CBLN2: variants seen among roughly 807,000 people sequenced by gnomAD.
CBLN2 encodes the protein cerebellin-2.
A neutral mutation model predicts 15.0 loss-of-function variants in CBLN2; 7 were observed. That is an observed-to-expected ratio of 0.47 (90% CI 0.27 to 0.88). The LOEUF is 0.88. Among genes scored for constraint, CBLN2 ranks in the 40% least tolerant of loss-of-function variants. The probability of loss-of-function intolerance (pLI) is 0.14; values close to 1 mark genes in which losing one functional copy is unlikely to be tolerated. For synonymous variants in CBLN2, 149 were observed against 135.2 expected (o/e 1.10, Z -0.71); for missense variants, 242 against 304.5 (o/e 0.79, Z 1.53).
At chr18:72,637,812 G>A (rs2069824065) in intron 1 of CBLN2, among the ~76,000 whole-genome samples, 1 of 152,188 alleles carries the variant, frequency 6.6e-6, no homozygotes, top group African/African-American at 2.4e-5. Flanking sequence ...AGAAACCAAA[G>A]CCATAAATAA....
rs1169174398 is a variant in CBLN2, at chr18:72,537,944, CT to C, written c.*231del. The C allele has an allele frequency of 6.9e-6, 4 of 578,156 alleles. No individual in the cohort carries two copies. The highest frequency in any genetic ancestry group is 1.2e-5 in the Non-Finnish European group (4 of 324,384). 35.8% of individuals were successfully genotyped at this position (578,156 alleles called of 1,614,324 possible). ...GCTCAAATCGATAATTTCATTTCTC[CT>C]TAAGACCTTGTCATCTAAAACTAAT... On this transcript the variant is annotated 3_prime_UTR_variant, in exon 5 of 5. Transcript: ENST00000269503.
At chr18:72,604,564 C>T (rs1336831006) in intron 1 of CBLN2, among the ~76,000 whole-genome samples, 2 of 152,062 alleles carry the variant, frequency 1.3e-5, no homozygotes, top group African/African-American at 4.8e-5. Flanking sequence ...AATTTAATAC[C>T]CAATGTGGCA....
intron 1 of CBLN2, among the ~76,000 whole-genome samples, chr18:72,613,175 C>T (rs547930393): frequency 1.3e-5 from 2 of 152,300 alleles, no homozygotes; most frequent in South Asian, 2.1e-4. Flanking sequence ...TTAACTAATA[C>T]ATGTAAAACA....
intron 1 of CBLN2, among the ~76,000 whole-genome samples, chr18:72,628,598 G>A (rs2069755797): frequency 6.6e-6 from 1 of 152,174 alleles, no homozygotes; most frequent in African/African-American, 2.4e-5. Flanking sequence ...AAGGGGTGAG[G>A]CAGTCTCTGA....
At chr18:72,573,474 T>C (rs1308603805) in intron 1 of CBLN2, among the ~76,000 whole-genome samples, 1 of 152,206 alleles carries the variant, frequency 6.6e-6, no homozygotes, top group Non-Finnish European at 1.5e-5. Context: ...TGGCAACCAC[T>C]GATCTTTTTA....
intron 1 of CBLN2, among the ~76,000 whole-genome samples, chr18:72,564,193 C>T (rs2069279595): frequency 6.6e-6 from 1 of 152,062 alleles, no homozygotes; most frequent in African/African-American, 2.4e-5. Flanking sequence ...TCTCCAGTGA[C>T]TGATCCCAAA....
In CBLN2 at chr18:72,556,029, C is replaced by G. The variant is rs368241654; in HGVS notation, c.16-17257G>C. The stretch of plus-strand genomic sequence containing the variant: ...CACCCACTGGCAATGTTTGGGATGG[C>G]AGGTGCTCCATTAGTCTGGGTCCCA... On this transcript the variant is annotated intron_variant, in intron 1 of 2. Transcript: ENST00000581073. Among the ~76,000 whole-genome samples, 28 of 152,124 alleles carry G rather than the reference C, an allele frequency of 1.8e-4. No individual in the cohort carries two copies. The East Asian group carries it at 2.1e-3, about 12-fold the overall frequency.
intron 1 of CBLN2, among the ~76,000 whole-genome samples, chr18:72,628,501 C>T (rs1370952722): frequency 6.6e-6 from 1 of 152,168 alleles, no homozygotes; most frequent in African/African-American, 2.4e-5. Flanking sequence ...CTGAATTGTC[C>T]AGCATTGGAC....
intron 1 of CBLN2, among the ~76,000 whole-genome samples, chr18:72,609,384 T>C (rs949101651): frequency 6.6e-6 from 1 of 151,936 alleles, no homozygotes; most frequent in Non-Finnish European, 1.5e-5. Flanking sequence ...GAAGAGGGCA[T>C]TAGACACACA....
intron 1 of CBLN2, among the ~76,000 whole-genome samples, chr18:72,630,564 C>CAGAGAGAGTGAGAGAGAG (rs2069769112): frequency 7.4e-6 from 1 of 135,522 alleles, no homozygotes; most frequent in Non-Finnish European, 1.5e-5. Context: ...CACACACATG[C>CAGAGAGAGTGAGAGAGAG]AGAGAGAGAG....
intron 1 of CBLN2, among the ~76,000 whole-genome samples, chr18:72,568,033 C>T (rs187842491): frequency 1.3e-5 from 2 of 152,254 alleles, no homozygotes; most frequent in East Asian, 3.9e-4. Context: ...TCTTTTCTCA[C>T]TCAGAAGCTT....
chr18:72,613,979 T>C (rs1006799490), intron 1 of CBLN2, among the ~76,000 whole-genome samples: 25 of 152,216 alleles, frequency 1.6e-4, no homozygotes, highest in Admixed American at 4.6e-4. Context: ...TTGAAGTTCC[T>C]TTGTAAGATA....
At chr18:72,575,375 G>T (rs1235666764) in intron 1 of CBLN2, among the ~76,000 whole-genome samples, 4 of 152,138 alleles carry the variant, frequency 2.6e-5, no homozygotes, top group Non-Finnish European at 4.4e-5. Context: ...GGACAGAGTG[G>T]CAATGAGTCA....
chr18:72,587,077 ATATAT>A (rs1454216371), intron 1 of CBLN2, among the ~76,000 whole-genome samples: 1 of 152,144 alleles, frequency 6.6e-6, no homozygotes, highest in Non-Finnish European at 1.5e-5. Context: ...TATATAAAAA[ATATAT>A]TAGGGAGGTT....
rs1402341997 is a variant in CBLN2 at position 72,596,892 on chromosome 18, G to A, written c.15+41433C>T. On this transcript the variant is annotated intron_variant, in intron 1 of 2. Coordinates refer to the CBLN2 transcript ENST00000581073. Reference sequence around the variant, plus strand: ...AATATGAATAGCAAATGCCTTGGTAGTCTTCTTTGGTTTAAAGCTGCTTGG... The same window carrying A: ...AATATGAATAGCAAATGCCTTGGTAATCTTCTTTGGTTTAAAGCTGCTTGG... Among the ~76,000 whole-genome samples, 3 of 152,180 alleles carry A rather than the reference G, an allele frequency of 2.0e-5. No homozygotes were observed. In the East Asian group the frequency reaches 5.8e-4, roughly 29 times the overall value.
intron 1 of CBLN2, among the ~76,000 whole-genome samples, chr18:72,573,885 A>AT (rs1178185993): frequency 2.6e-5 from 4 of 152,322 alleles, no homozygotes; most frequent in African/African-American, 9.6e-5. Flanking sequence ...TGTTTGGACC[A>AT]TTTTTCATTC....
chr18:72,594,721 C>T (rs747392947), intron 1 of CBLN2, among the ~76,000 whole-genome samples: 2 of 151,832 alleles, frequency 1.3e-5, no homozygotes, highest in African/African-American at 2.4e-5. Context: ...TGTTGTTTGC[C>T]TACTTAGGTT....
chr18:72,634,115 G>A (rs1568138267), intron 1 of CBLN2, among the ~76,000 whole-genome samples: 1 of 151,910 alleles, frequency 6.6e-6, no homozygotes, highest in African/African-American at 2.4e-5. Flanking sequence ...AGAAGGAAAT[G>A]TTTCTATGGC....
chr18:72,615,408 C>T (rs2069654598), intron 1 of CBLN2, among the ~76,000 whole-genome samples: 1 of 150,950 alleles, frequency 6.6e-6, no homozygotes, highest in Non-Finnish European at 1.5e-5. Flanking sequence ...TCCAGAGTAG[C>T]TGGGATTACA....
Sources: allele counts gnomAD v4.1 joint callset (sites outside exome capture counted in the v4.1 genomes callset), GRCh38; gene constraint gnomAD v4.1.1; transcripts MANE v1.5; gene names NCBI Gene and HGNC (gene_info 2026-07-23, HGNC 2026-07-21).